The following MID1 variants were observed in gnomAD, a reference collection of about 807,000 sequenced individuals.
The protein encoded by MID1 is midline 1.
MID1 carries 7 observed loss-of-function variants against 40.4 expected under a neutral mutation model. The observed-to-expected ratio is 0.17, with a 90% confidence interval of 0.10 to 0.33. The LOEUF is 0.33. Ranked by LOEUF, MID1 falls within the 10% of genes least tolerant of loss-of-function variation. The pLI, the probability that MID1 is intolerant of heterozygous loss-of-function variation, is 1.00. For synonymous variants in MID1, 229 were observed against 221.2 expected, an observed-to-expected ratio of 1.04 and a Z score of -0.31; for missense variants, 367 against 558.5, an observed-to-expected ratio of 0.66 and a Z score of 3.46.
chrX:10,445,476 T>C (rs1927994884), downstream of MID1: 1 of 112,365 alleles, frequency 8.9e-6, no homozygotes, highest in African/African-American at 3.2e-5. Flanking sequence ...ATGGTAGATG[T>C]TGAATAAATA....
At chrX:10,809,456 C>G (rs1042349654) in intron 1 of MID1, among the ~76,000 whole-genome samples, 2 of 111,696 alleles carry the variant, frequency 1.8e-5, no homozygotes, top group Admixed American at 9.5e-5. Context: ...ATAAATCATG[C>G]TGCTATAAAG....
intron 3 of MID1, among the ~76,000 whole-genome samples, chrX:10,508,944 T>A (rs1931979055): frequency 9.0e-6 from 1 of 111,517 alleles, no homozygotes; most frequent in Non-Finnish European, 1.9e-5. Context: ...AGTTCTTCCT[T>A]GACCCCCACC....
chrX:10,478,588 A>G (rs375944158), intron 5 of MID1, among the ~76,000 whole-genome samples: 1 of 112,058 alleles, frequency 8.9e-6, no homozygotes, highest in East Asian at 2.8e-4. Context: ...AAATTAGCCA[A>G]TGTTAATGAG....
intron 3 of MID1, among the ~76,000 whole-genome samples, chrX:10,511,051 G>C (rs149552797): frequency 0.015 from 1,602 of 107,833 alleles, 12 homozygotes; most frequent in Non-Finnish European, 0.021. Context: ...TCGTGACCAG[G>C]CTGGCCAACA....
At chrX:10,802,356 CA>C (rs1441160807) in intron 1 of MID1, among the ~76,000 whole-genome samples, 1 of 111,007 alleles carries the variant, frequency 9.0e-6, no homozygotes, top group Non-Finnish European at 1.9e-5. Flanking sequence ...AATAACCCAT[CA>C]AAAAATGGAC....
intron 8 of MID1, among the ~76,000 whole-genome samples, chrX:10,456,943 G>A (rs1041573274): frequency 8.9e-6 from 1 of 112,048 alleles, no homozygotes; most frequent in African/African-American, 3.2e-5. Context: ...AAGATCTATT[G>A]GATTACATGT....
chrX:10,627,414 A>G (rs10521613), intron 1 of MID1, among the ~76,000 whole-genome samples: 13,889 of 111,861 alleles, frequency 0.12, 1,321 homozygotes, highest in African/African-American at 0.33. Flanking sequence ...ACATATAGAC[A>G]GTTCTGATCC....
At chrX:10,729,736 G>A (rs2043427093) in intron 1 of MID1, among the ~76,000 whole-genome samples, 1 of 111,885 alleles carries the variant, frequency 8.9e-6, no homozygotes, top group Admixed American at 9.5e-5. Flanking sequence ...TTTAGAGTAG[G>A]ACTTCTTTCA....
chrX:10,647,219 G>T (rs1353869111), intron 1 of MID1, among the ~76,000 whole-genome samples: 1 of 111,899 alleles, frequency 8.9e-6, no homozygotes, highest in Non-Finnish European at 1.9e-5. Context: ...TTTAAGTGAT[G>T]GGGGAGGCAG....
Position 10,500,909 on chromosome X carries a change from T to G in MID1, c.757-5218A>C, listed in dbSNP as rs148245398. On this transcript the variant is annotated intron_variant, in intron 3 of 9. Transcript: ENST00000317552. ...CCCTAAACTAACGGCAAGAGTGAGA[T>G]GAAGATAATTAGGAATGATGTCCAG... 2.8e-3 allele frequency among the ~76,000 whole-genome samples: 312 copies of G among 112,001 alleles called. 1 individual carries two copies. The highest frequency in any genetic ancestry group is 9.5e-3 in the African/African-American group (294 of 30,839).
chrX:10,459,952 T>C, intron 7 of MID1, 145 bp from the exon 8 acceptor site: 6 of 619,338 alleles, frequency 9.7e-6, no homozygotes, highest in Non-Finnish European at 1.3e-5. Flanking sequence ...AAAAACTGAC[T>C]TCACTAACGT....
intron 1 of MID1, among the ~76,000 whole-genome samples, chrX:10,816,334 T>G (rs757996959): frequency 8.9e-6 from 1 of 112,220 alleles, no homozygotes; most frequent in Non-Finnish European, 1.9e-5. Context: ...ATTCACTGTT[T>G]GTTTCTAATG....
At chrX:10,491,227 C>CT (rs1477803210) in intron 4 of MID1, among the ~76,000 whole-genome samples, 2 of 111,328 alleles carry the variant, frequency 1.8e-5, no homozygotes, top group Non-Finnish European at 1.9e-5. Flanking sequence ...GGAAAAGGCA[C>CT]TTTTTTTATT....
chrX:10,592,274 T>TAAAAAAAAA (rs144661774), intron 1 of MID1, among the ~76,000 whole-genome samples: 1 of 28,233 alleles, frequency 3.5e-5, no homozygotes, highest in African/African-American at 1.4e-4. Context: ...GGGACTGCGT[T>TAAAAAAAAA]AAAAAAAAAA....
intron 3 of MID1, chrX:10,505,975 G>A (rs1931810091): frequency 2.6e-6 from 2 of 756,180 alleles, no homozygotes; most frequent in African/African-American, 2.3e-5. Flanking sequence ...ATTCCGTACA[G>A]TGAGTGAAAT....
intron 1 of MID1, among the ~76,000 whole-genome samples, chrX:10,589,176 C>A (rs886586925): frequency 3.6e-5 from 4 of 111,596 alleles, no homozygotes; most frequent in African/African-American, 1.3e-4. Flanking sequence ...AGGTCAAAAC[C>A]AAAACTAAGC....
intron 1 of MID1, among the ~76,000 whole-genome samples, chrX:10,644,129 A>T (rs912605063): frequency 6.3e-5 from 7 of 111,692 alleles, no homozygotes; most frequent in Non-Finnish European, 1.3e-4. Flanking sequence ...CGTTGTGCAC[A>T]TGTACCCTAG....
chrX:10,716,093 GA>G (rs2043301003), intron 1 of MID1, among the ~76,000 whole-genome samples: 1 of 111,330 alleles, frequency 9.0e-6, no homozygotes, highest in African/African-American at 3.3e-5. Context: ...CAAAGATGGG[GA>G]AAAAACAGAG....
intron 2 of MID1, among the ~76,000 whole-genome samples, chrX:10,558,426 CTCGTCTAATGCA>C (rs1262122914): frequency 8.9e-6 from 1 of 112,940 alleles, no homozygotes; most frequent in African/African-American, 3.2e-5. Context: ...TCCCAAAACA[CTCGTCTAATGCA>C]TCAATTCTGC....
Sources: gnomAD v4.1 joint callset for allele counts (sites outside exome capture counted in the v4.1 genomes callset) on GRCh38, gnomAD v4.1.1 for gene constraint, MANE v1.5 for transcripts, NCBI Gene and HGNC (gene_info 2026-07-23, HGNC 2026-07-21) for gene names.